GALNT17: variants seen among roughly 807,000 people sequenced by gnomAD.
GALNT17 encodes UDP-GalNAc:polypeptide N-acetylgalactosaminyltransferase-like 3.
Under a neutral mutation model 63.7 loss-of-function variants are expected in GALNT17, and 29 were observed. The observed-to-expected ratio is 0.46, with a 90% CI of 0.34 to 0.62. The LOEUF is 0.62. Among genes scored for constraint, GALNT17 ranks in the 20% least tolerant of loss-of-function variants. GALNT17 has a pLI of 0.01. For synonymous variants in GALNT17, 305 were observed against 318.3 expected, an observed-to-expected ratio of 0.96 and a Z score of 0.45; for missense variants, 603 against 799.6, an observed-to-expected ratio of 0.75 and a Z score of 2.97.
intron 3 of GALNT17, among the ~76,000 whole-genome samples, chr7:71,389,263 AG>A: frequency 6.6e-6 from 1 of 152,052 alleles, no homozygotes. Context: ...CCTCCCGAGT[AG>A]CTGGGACTGC....
rs11447692 is a variant in GALNT17, at chr7:71,610,988, C to CAA, written c.1080+39602_1080+39603dup. ...GCGGTGACAGAGCGAGACTCCATTT[C>CAA]AAAAAAAAAAAAAAAAAGTCCACTG... is the stretch of plus-strand genomic sequence containing the variant. On this transcript the variant is annotated intron_variant, in intron 6 of 10. Coordinates refer to ENST00000333538, the MANE Select transcript of GALNT17 (RefSeq NM_022479.3). Among the ~76,000 whole-genome samples the CAA allele has an allele frequency of 5.8e-3, 731 of 126,916 alleles. 13 individuals are homozygous for CAA. Among genetic ancestry groups the CAA allele is most frequent in the African/African-American group, 0.014 (462 of 33,654 alleles). 83.3% of individuals were successfully genotyped at this position (126,916 alleles called of 152,430 possible).
At chr7:71,701,907 A>ACG (rs1562742692) in intron 9 of GALNT17, among the ~76,000 whole-genome samples, 11 of 126,656 alleles carry the variant, frequency 8.7e-5, no homozygotes, top group South Asian at 2.5e-4. Flanking sequence ...ACATATATAT[A>ACG]TATACATATA....
intron 9 of GALNT17, among the ~76,000 whole-genome samples, chr7:71,701,622 C>A (rs1178017622): frequency 6.6e-6 from 1 of 151,444 alleles, no homozygotes; most frequent in Admixed American, 6.6e-5. Flanking sequence ...CAAAAAGATG[C>A]CTGCACTTGT....
chr7:71,431,005 A>T (rs1196351393), intron 5 of GALNT17, among the ~76,000 whole-genome samples: 1 of 152,038 alleles, frequency 6.6e-6, no homozygotes, highest in Non-Finnish European at 1.5e-5. Context: ...CAGGCTTTCA[A>T]ATGTGTGTGA....
intron 6 of GALNT17, among the ~76,000 whole-genome samples, chr7:71,574,060 T>C (rs1584061323): frequency 6.6e-6 from 1 of 152,244 alleles, no homozygotes; most frequent in Admixed American, 6.5e-5. Flanking sequence ...TGTTCTGCCA[T>C]TGATGGGTAT....
Position 71,676,380 on chromosome 7 carries a change from GT to G in GALNT17, c.1405-821del, listed in dbSNP as rs112412530. ...GCATTTTATGATAGTAAGCTTTTAG[GT>G]TTTTTTTTTCTTTTTTTTTTAGAAA... is the stretch of plus-strand genomic sequence containing the variant. On this transcript the variant is annotated intron_variant, in intron 8 of 10. Coordinates refer to ENST00000333538, the MANE Select transcript of GALNT17 (RefSeq NM_022479.3). Among the ~76,000 whole-genome samples the G allele has an allele frequency of 7.4e-3, 1,102 of 148,998 alleles. 15 individuals are homozygous for G. The highest frequency in any genetic ancestry group is 0.025 in the African/African-American group (1,032 of 40,618).
intron 6 of GALNT17, among the ~76,000 whole-genome samples, chr7:71,607,029 A>G (rs1790057579): frequency 1.3e-5 from 2 of 152,116 alleles, no homozygotes. Flanking sequence ...AATTGATACC[A>G]GGAGTGTTGG....
At chr7:71,408,821 C>T (rs1291240949) in intron 3 of GALNT17, among the ~76,000 whole-genome samples, 1 of 151,844 alleles carries the variant, frequency 6.6e-6, no homozygotes, top group Non-Finnish European at 1.5e-5. Flanking sequence ...TGTAGTGAGC[C>T]GTGATTGCAC....
At chr7:71,384,674 A>G (rs1365972384) in intron 2 of GALNT17, among the ~76,000 whole-genome samples, 2 of 152,160 alleles carry the variant, frequency 1.3e-5, no homozygotes, top group Non-Finnish European at 2.9e-5. Context: ...CCCGGTAGGA[A>G]TTTGCAGAGC....
At chr7:71,154,050 A>G (rs75290697) in intron 1 of GALNT17, among the ~76,000 whole-genome samples, 9,773 of 152,206 alleles carry the variant, frequency 0.064, 432 homozygotes, top group African/African-American at 0.13. Flanking sequence ...ACTTGCTTCT[A>G]GTGATCGAAT....
chr7:71,161,997 T>G (rs532338072), intron 1 of GALNT17, among the ~76,000 whole-genome samples: 3 of 149,746 alleles, frequency 2.0e-5, no homozygotes, highest in East Asian at 4.1e-4. Flanking sequence ...CTTCTTTCCT[T>G]CTTCCCTTCT....
intron 1 of GALNT17, among the ~76,000 whole-genome samples, chr7:71,188,772 G>GGATT (rs1236095937): frequency 2.6e-5 from 4 of 152,076 alleles, no homozygotes; most frequent in African/African-American, 9.7e-5. Flanking sequence ...TATTGCATTT[G>GGATT]CTTTTGGGTT....
At chr7:71,398,489 T>A (rs73360197) in intron 3 of GALNT17, among the ~76,000 whole-genome samples, 1 of 152,160 alleles carries the variant, frequency 6.6e-6, no homozygotes, top group Non-Finnish European at 1.5e-5. Flanking sequence ...TATGTTTTCT[T>A]GTCCCTGGAG....
chr7:71,155,237 T>C (rs1477397264), intron 1 of GALNT17, among the ~76,000 whole-genome samples: 1 of 151,808 alleles, frequency 6.6e-6, no homozygotes, highest in Non-Finnish European at 1.5e-5. Context: ...TTCCAGGTCT[T>C]TTAGCAGCAG....
chr7:71,160,264 A>G (rs1175782603), intron 1 of GALNT17, among the ~76,000 whole-genome samples: 3 of 152,130 alleles, frequency 2.0e-5, no homozygotes, highest in African/African-American at 7.2e-5. Flanking sequence ...CTTGTGTCCT[A>G]TATGTTCCCT....
chr7:71,186,625 C>T (rs1174769318), intron 1 of GALNT17, among the ~76,000 whole-genome samples: 1 of 152,188 alleles, frequency 6.6e-6, no homozygotes, highest in Non-Finnish European at 1.5e-5. Flanking sequence ...CATTGCCCTT[C>T]ATAAGCTGAT....
chr7:71,324,371 C>T (rs1273013723), intron 1 of GALNT17, among the ~76,000 whole-genome samples: 2 of 152,192 alleles, frequency 1.3e-5, no homozygotes, highest in East Asian at 3.9e-4. Context: ...CACCAAGAGG[C>T]CCAGCACAGT....
At chr7:71,433,356 G>A (rs1048021831) in intron 5 of GALNT17, among the ~76,000 whole-genome samples, 3 of 152,238 alleles carry the variant, frequency 2.0e-5, no homozygotes. Context: ...ACCCCCATCT[G>A]TGGAGGAGGG....
At position 71,499,505 on chromosome 7, in the gene GALNT17, GT is replaced by G. The variant is rs1788146998; in HGVS notation, c.963-71779del. 2.6e-5 allele frequency among the ~76,000 whole-genome samples: 4 copies of G among 152,302 alleles called. No homozygotes were observed. The South Asian group carries it at 8.3e-4, about 32-fold the overall frequency. Reference sequence around the variant, plus strand: ...TAACCTGAACCTAGTACAGTAAAGTGTAGGCTCAGATCACAGTGAGAGGAAA... The same window carrying G: ...TAACCTGAACCTAGTACAGTAAAGTGAGGCTCAGATCACAGTGAGAGGAAA... On this transcript the variant is annotated intron_variant, in intron 5 of 10. Coordinates refer to ENST00000333538, the MANE Select transcript of GALNT17 (RefSeq NM_022479.3).
Sources: gnomAD v4.1 joint callset for allele counts (sites outside exome capture counted in the v4.1 genomes callset) on GRCh38, gnomAD v4.1.1 for gene constraint, MANE v1.5 for transcripts, NCBI Gene and HGNC (gene_info 2026-07-23, HGNC 2026-07-21) for gene names.